Variants in RNF19A observed in about 807,000 individuals in gnomAD.
The protein encoded by RNF19A is ring finger protein 19A, RBR E3 ubiquitin protein ligase.
Under a neutral mutation model 75.7 loss-of-function variants are expected in RNF19A, and 32 were observed. The ratio of observed to expected loss-of-function variants is 0.42; its 90% CI spans 0.32 to 0.57. RNF19A has a LOEUF of 0.57. Among genes scored for constraint, RNF19A ranks in the 20% least tolerant of loss-of-function variants. RNF19A has a pLI of 0.10. For missense variants in RNF19A, 782 were observed against 1,036.3 expected (o/e 0.75, Z 3.37); for synonymous variants, 335 against 345.2 (o/e 0.97, Z 0.33).
intron 1 of RNF19A, 140 bp from the exon 2 acceptor site, chr8:100,288,407 A>C: frequency 2.6e-6 from 1 of 390,220 alleles, no homozygotes; most frequent in East Asian, 4.9e-5. Flanking sequence ...CAATTTATTA[A>C]ATAGTCTATA....
chr8:100,318,874 T>A (rs1822423513), intron 1 of RNF19A, among the ~76,000 whole-genome samples: 1 of 152,132 alleles, frequency 6.6e-6, no homozygotes. Context: ...GTTGGGGGAA[T>A]CAGATTTGGG....
intron 2 of RNF19A, among the ~76,000 whole-genome samples, chr8:100,278,056 C>T (rs991840024): frequency 2.0e-5 from 3 of 152,268 alleles, no homozygotes; most frequent in African/African-American, 7.2e-5. Context: ...TCTACTTCCA[C>T]CACTTAATAC....
intron 1 of RNF19A, among the ~76,000 whole-genome samples, chr8:100,319,572 C>T (rs1475250008): frequency 1.4e-5 from 2 of 148,090 alleles, no homozygotes; most frequent in African/African-American, 5.0e-5. Flanking sequence ...CTCTGTCATC[C>T]AGGCTGGAGT....
chr8:100,318,076 C>G (rs779821340), intron 1 of RNF19A, among the ~76,000 whole-genome samples: 3 of 152,026 alleles, frequency 2.0e-5, no homozygotes, highest in African/African-American at 4.8e-5. Context: ...TATAATACTT[C>G]GGGCCTACAT....
intron 1 of RNF19A, among the ~76,000 whole-genome samples, chr8:100,288,950 T>C (rs1037129625): frequency 3.3e-5 from 5 of 151,412 alleles, no homozygotes; most frequent in African/African-American, 1.2e-4. Context: ...GTCCCAGCTA[T>C]TCGGGAGGCT....
chr8:100,335,815 C>T (rs374671565), intron 1 of RNF19A, among the ~76,000 whole-genome samples: 11 of 152,222 alleles, frequency 7.2e-5, no homozygotes. Context: ...ACAGTCCCTG[C>T]GGAGGTGCGG....
At chr8:100,309,672 C>T (rs1476247206) in intron 1 of RNF19A, 195 bp downstream of exon 1, 1 of 936,386 alleles carries the variant, frequency 1.1e-6, no homozygotes, top group Non-Finnish European at 1.3e-6. Flanking sequence ...AGGCCTGACC[C>T]CCTAAGCCGG....
At chr8:100,294,905 G>A (rs1459681910) in intron 1 of RNF19A, among the ~76,000 whole-genome samples, 3 of 152,088 alleles carry the variant, frequency 2.0e-5, no homozygotes, top group Admixed American at 6.6e-5. Flanking sequence ...GGTCTTCAAC[G>A]AATGACTAAA....
intron 1 of RNF19A, among the ~76,000 whole-genome samples, chr8:100,318,734 A>C (rs1324571770): frequency 2.0e-5 from 3 of 152,264 alleles, no homozygotes; most frequent in Non-Finnish European, 4.4e-5. Context: ...CAGAAGCTTG[A>C]TACCAAATAA....
chr8:100,290,676 C>T (rs1821251768), intron 1 of RNF19A, among the ~76,000 whole-genome samples: 1 of 152,132 alleles, frequency 6.6e-6, no homozygotes, highest in African/African-American at 2.4e-5. Context: ...TTATGCATCA[C>T]TTAATGATCA....
In RNF19A at chr8:100,324,837, T is replaced by TCCTC. The variant is rs539809030; in HGVS notation, c.-243+11267_-243+11270dup. On this transcript the variant is annotated intron_variant, in intron 1 of 3. Transcript: ENST00000519527. The surrounding 1 kb of genome is among the most constrained non-coding windows in gnomAD (Gnocchi z 4.2). ...CCTTCCTTCCTTCCTTCCTCCTTCT[T>TCCTC]CCTCCCTCCCTCCCTCCTTCCTTTC... Among the ~76,000 whole-genome samples the TCCTC allele has an allele frequency of 1.3e-4, 20 of 151,696 alleles. No homozygotes were observed. The highest frequency in any genetic ancestry group is 6.6e-4 in the Admixed American group (10 of 15,216).
In RNF19A at chr8:100,287,882, T is replaced by C. The variant is rs371171725; in HGVS notation, c.293A>G (p.His98Arg). 32 of 1,614,100 alleles carry C rather than the reference T, an allele frequency of 2.0e-5. No individual in the cohort carries two copies. Among genetic ancestry groups the C allele is most frequent in the African/African-American group, 1.3e-4 (10 of 74,954 alleles). ...GTTCTTATCAGTACACATTTCAGAA[T>C]GTATACTTTCAATACTTGCAATTCC... The part of the protein sequence containing the change: ...VDGIASIESI[H>R]SEMCTDKNSI... The change falls in exon 2 of 10, where the codon CAT becomes CGT. Residue 98 changes from histidine (H) to arginine (R), a missense_variant. His to Arg is a conservative substitution (Grantham distance 29). This residue lies in a region of RNF19A where 148 missense variants were observed against 147.9 expected (regional missense o/e 1.00). Coordinates refer to ENST00000341084, the MANE Select transcript of RNF19A (RefSeq NM_183419.4). The surrounding 1 kb of genome is among the most constrained non-coding windows in gnomAD (Gnocchi z 4.1).
rs1306411877 is a variant in RNF19A at position 100,258,563 on chromosome 8, T to C, written c.2510A>G (p.Glu837Gly). Reference sequence around the variant, plus strand: ...TCTGCAGCATTTATGGGCCTAAATTTCAGTCTGAATTGCAACTTTTAATTC... The same window carrying C: ...TCTGCAGCATTTATGGGCCTAAATTCCAGTCTGAATTGCAACTTTTAATTC... ...TMELKVAIQT[E>G]I is the part of the protein sequence containing the mutation. The change falls in exon 10 of 10, where the codon GAA becomes GGA. Residue 837 changes from glutamate to glycine, a missense_variant. By Grantham distance (98) the Glu-to-Gly change is moderately conservative. Around this residue, in one of 7 missense-constraint regions of RNF19A, gnomAD observed 442 missense variants for 541.6 expected, o/e 0.82. Transcript: ENST00000341084. This position sits in a 1 kb window ranked among gnomAD's most constrained non-coding sequence, Gnocchi z 4.3. 1.2e-6 allele frequency: 2 copies of C among 1,606,856 alleles called. No homozygotes were observed. The highest frequency in any genetic ancestry group is 1.7e-6 in the Non-Finnish European group (2 of 1,176,066).
In RNF19A at chr8:100,277,320, C is replaced by CT. The variant is rs962014071; in HGVS notation, c.675-2160dup. On this transcript the variant is annotated intron_variant, in intron 2 of 9. Coordinates refer to ENST00000341084, the MANE Select transcript of RNF19A (RefSeq NM_183419.4). ...CTTGTTGATCCCTTAGTATCACACTCTTTTTTTTTGAGACAGAGTCTCGCT... is the reference window on the plus strand; with the variant it reads ...CTTGTTGATCCCTTAGTATCACACTCTTTTTTTTTTGAGACAGAGTCTCGCT... 1.2e-4 allele frequency among the ~76,000 whole-genome samples: 18 copies of CT among 151,200 alleles called. No individual in the cohort carries two copies. In the East Asian group the frequency reaches 2.1e-3, roughly 18 times the overall value.
At chr8:100,303,073 G>A (rs1044208523) in intron 1 of RNF19A, 1 of 152,150 alleles carries the variant, frequency 6.6e-6, no homozygotes, top group African/African-American at 2.4e-5. Flanking sequence ...GTTTACTGAA[G>A]ACTTTTGACT....
At chr8:100,304,922 AG>A (rs1227353379) in intron 1 of RNF19A, among the ~76,000 whole-genome samples, 1 of 152,214 alleles carries the variant, frequency 6.6e-6, no homozygotes, top group African/African-American at 2.4e-5. Flanking sequence ...CCAATGAAAA[AG>A]ATGATGAATA....
In RNF19A at chr8:100,288,253, G is replaced by A; in HGVS notation, c.-79C>T. 1 of 1,430,038 alleles carries A rather than the reference G, an allele frequency of 7.0e-7. No homozygotes were observed. The highest frequency in any genetic ancestry group is 1.6e-5 in the South Asian group (1 of 62,260). The allele number at this position is 1,430,038 out of a possible 1,614,324, so 88.6% of individuals were successfully genotyped here. ...TGAAAAGTTCGATTTACAGAAGACTGCTATCATGGATGTTCTGAAAAATAA... is the reference window on the plus strand; with the variant it reads ...TGAAAAGTTCGATTTACAGAAGACTACTATCATGGATGTTCTGAAAAATAA... On this transcript the variant is annotated 5_prime_UTR_variant, in exon 2 of 10. Transcript: ENST00000341084.
chr8:100,310,681 T>G (rs1822271122), upstream of RNF19A, among the ~76,000 whole-genome samples: 1 of 152,218 alleles, frequency 6.6e-6, no homozygotes, highest in South Asian at 2.1e-4. Context: ...TTGCAGAGGC[T>G]GTTAGGAACA....
In RNF19A at chr8:100,329,284, G is replaced by T. The variant is rs1032361400; in HGVS notation, c.-243+6824C>A. Among the ~76,000 whole-genome samples the T allele has an allele frequency of 6.6e-6, 1 of 151,938 alleles. No homozygotes were observed. Among genetic ancestry groups the T allele is most frequent in the Non-Finnish European group, 1.5e-5 (1 of 67,984 alleles). The stretch of plus-strand genomic sequence containing the variant: ...ACACGTACACAAACACACACATTAG[G>T]ACGTTCTATTCTTTTGGATCAAAAA... On this transcript the variant is annotated intron_variant, in intron 1 of 3. Coordinates refer to the RNF19A transcript ENST00000519527. This position sits in a 1 kb window ranked among gnomAD's most constrained non-coding sequence, Gnocchi z 4.3.
Sources: gnomAD v4.1 joint callset for allele counts (sites outside exome capture counted in the v4.1 genomes callset) on GRCh38, gnomAD v4.1.1 for gene constraint, gnomAD v4.1.1 regional missense constraint, Gnocchi (gnomAD v3.1) non-coding constraint, MANE v1.5 for transcripts, NCBI Gene and HGNC (gene_info 2026-07-23, HGNC 2026-07-21) for gene names.